Variants in RAPGEF5 observed in about 807,000 individuals in gnomAD.
RAPGEF5 encodes the protein Rap guanine nucleotide exchange factor 5.
A neutral mutation model predicts 125.2 loss-of-function variants in RAPGEF5; 65 were observed. The observed-to-expected ratio is 0.52, with a 90% CI of 0.43 to 0.64. The LOEUF (loss-of-function observed/expected upper bound fraction) is 0.64. RAPGEF5 is among the 30% of genes least tolerant of loss of function. RAPGEF5 has a pLI of 0.00. For synonymous variants in RAPGEF5, 391 were observed against 385.9 expected (o/e 1.01, Z -0.16); for missense variants, 958 against 1,048.1 (o/e 0.91, Z 1.19).
At chr7:22,174,799 T>C (rs1784455065) in intron 11 of RAPGEF5, among the ~76,000 whole-genome samples, 1 of 152,040 alleles carries the variant, frequency 6.6e-6, no homozygotes, top group Admixed American at 6.5e-5. Context: ...TCAGACTGGA[T>C]AAGGGAAGGA....
chr7:22,213,107 A>G (rs1008727139), intron 9 of RAPGEF5, among the ~76,000 whole-genome samples: 1 of 152,216 alleles, frequency 6.6e-6, no homozygotes, highest in Non-Finnish European at 1.5e-5. Flanking sequence ...CCGTCAAAAA[A>G]TAGCATAATG....
At chr7:22,141,661 G>A (rs77051842) in intron 20 of RAPGEF5, among the ~76,000 whole-genome samples, 2,330 of 152,292 alleles carry the variant, frequency 0.015, 35 homozygotes, top group Non-Finnish European at 0.026. Flanking sequence ...CATGCCAAAG[G>A]TATCTGGGGT....
chr7:22,242,726 C>A lies in RAPGEF5; in HGVS notation c.797-11807G>T, dbSNP rs147231143. Among the ~76,000 whole-genome samples the A allele has an allele frequency of 6.6e-3, 1,001 of 152,072 alleles. 11 individuals are homozygous for A. The highest frequency in any genetic ancestry group is 0.022 in the African/African-American group (919 of 41,478). ...TAGCACTTTGGGAGGCCGAGGCAGGCGGATCACCTGAGGACAGGAGTTCGA... is the reference window on the plus strand; with the variant it reads ...TAGCACTTTGGGAGGCCGAGGCAGGAGGATCACCTGAGGACAGGAGTTCGA... On this transcript the variant is annotated intron_variant, in intron 7 of 25. Transcript: ENST00000665637.
At chr7:22,233,573 C>G (rs894493725) in intron 7 of RAPGEF5, among the ~76,000 whole-genome samples, 3 of 152,222 alleles carry the variant, frequency 2.0e-5, no homozygotes, top group Non-Finnish European at 4.4e-5. Context: ...CCCTCTGTCA[C>G]CCAGGCTGGA....
chr7:22,309,881 A>G, intron 4 of RAPGEF5, 88 bp downstream of exon 4: 1 of 1,367,578 alleles, frequency 7.3e-7, no homozygotes, highest in Non-Finnish European at 9.8e-7. Context: ...TTCCATCCAG[A>G]CTGTAACATC....
chr7:22,340,043 C>G (rs1012425318), intron 1 of RAPGEF5, among the ~76,000 whole-genome samples: 1 of 152,124 alleles, frequency 6.6e-6, no homozygotes, highest in African/African-American at 2.4e-5. Context: ...GGGGTGAGGG[C>G]TTCTCTGACA....
At chr7:22,156,701 AG>A in intron 16 of RAPGEF5, 108 bp downstream of exon 16, 4 of 1,547,760 alleles carry the variant, frequency 2.6e-6, no homozygotes, top group African/African-American at 1.4e-5. Flanking sequence ...TGCTTATCTG[AG>A]GGGTGACAGC....
intron 6 of RAPGEF5, among the ~76,000 whole-genome samples, chr7:22,277,685 A>G (rs1782588789): frequency 6.6e-6 from 1 of 152,066 alleles, no homozygotes; most frequent in Non-Finnish European, 1.5e-5. Flanking sequence ...AGCTGCCCAT[A>G]GCTCCTAGGG....
chr7:22,128,829 C>T (rs992050855), intron 24 of RAPGEF5, among the ~76,000 whole-genome samples: 2 of 152,326 alleles, frequency 1.3e-5, no homozygotes, highest in Admixed American at 1.3e-4. Flanking sequence ...TGTGTGCATG[C>T]TGAACTGCAC....
intron 11 of RAPGEF5, among the ~76,000 whole-genome samples, chr7:22,190,267 G>A (rs888132980): frequency 3.9e-5 from 6 of 152,006 alleles, no homozygotes; most frequent in Non-Finnish European, 7.4e-5. Context: ...CAGACACTCC[G>A]TCTCAAAAGA....
At chr7:22,340,708 C>G (rs1267909478) in intron 1 of RAPGEF5, among the ~76,000 whole-genome samples, 3 of 152,206 alleles carry the variant, frequency 2.0e-5, no homozygotes, top group Non-Finnish European at 4.4e-5. Context: ...GTATTCCGCA[C>G]TAGAACCCCC....
intron 6 of RAPGEF5, among the ~76,000 whole-genome samples, chr7:22,271,390 G>T (rs1782422863): frequency 6.6e-6 from 1 of 152,054 alleles, no homozygotes; most frequent in Non-Finnish European, 1.5e-5. Flanking sequence ...TCTGTACTTT[G>T]TCCTCCTCTA....
intron 1 of RAPGEF5, among the ~76,000 whole-genome samples, chr7:22,347,442 C>T (rs1784243905): frequency 6.6e-6 from 1 of 151,780 alleles, no homozygotes; most frequent in South Asian, 2.1e-4. Context: ...TCAAGGACAC[C>T]AATAATTTTA....
chr7:22,165,720 GA>G (rs1784140875), intron 12 of RAPGEF5, among the ~76,000 whole-genome samples: 1 of 152,048 alleles, frequency 6.6e-6, no homozygotes, highest in South Asian at 2.1e-4. Context: ...TGTCCTTTAT[GA>G]AGTTTTAAAG....
intron 6 of RAPGEF5, among the ~76,000 whole-genome samples, chr7:22,273,880 T>C (rs1782498559): frequency 6.6e-6 from 1 of 152,196 alleles, no homozygotes; most frequent in Non-Finnish European, 1.5e-5. Context: ...ACATCTGGAT[T>C]GCATTTGGTT....
chr7:22,195,731 A>AAAAAACG (rs1485850056), intron 9 of RAPGEF5, among the ~76,000 whole-genome samples: 1 of 152,120 alleles, frequency 6.6e-6, no homozygotes, highest in African/African-American at 2.4e-5. Context: ...AAAACCCCCC[A>AAAAAACG]AAAAACGAAA....
chr7:22,155,207 T>C (rs1783766901), intron 16 of RAPGEF5, among the ~76,000 whole-genome samples: 2 of 152,264 alleles, frequency 1.3e-5, no homozygotes, highest in African/African-American at 2.4e-5. Context: ...GTGATGAATT[T>C]AGTTTCCAAA....
At chr7:22,332,074 G>T (rs190982988) in intron 1 of RAPGEF5, among the ~76,000 whole-genome samples, 11 of 152,242 alleles carry the variant, frequency 7.2e-5, no homozygotes, top group African/African-American at 2.2e-4. Context: ...AAATGGTTAT[G>T]ATGAAAAATT....
chr7:22,293,978 T>C (rs993617768), intron 5 of RAPGEF5, among the ~76,000 whole-genome samples: 1 of 152,204 alleles, frequency 6.6e-6, no homozygotes, highest in South Asian at 2.1e-4. Context: ...GTGTAAATAC[T>C]TTTCAGTGCA....
Sources: gnomAD v4.1 joint callset for allele counts (sites outside exome capture counted in the v4.1 genomes callset) on GRCh38, gnomAD v4.1.1 for gene constraint, MANE v1.5 for transcripts, NCBI Gene and HGNC (gene_info 2026-07-23, HGNC 2026-07-21) for gene names.